PARVB: variants seen among roughly 807,000 people sequenced by gnomAD.
PARVB encodes the protein parvin beta, also known as beta-parvin.
PARVB carries 46 observed loss-of-function variants against 47.0 expected under a neutral mutation model. That is an observed-to-expected ratio of 0.98 (90% CI 0.77 to 1.25). PARVB has a LOEUF of 1.25. Among genes scored for constraint, PARVB ranks in the 50% most tolerant of loss-of-function variants. PARVB has a pLI of 0.00. For synonymous variants in PARVB, 196 were observed against 196.3 expected (o/e 1.00, Z 0.01); for missense variants, 473 against 471.6 (o/e 1.00, Z -0.03).
rs568738344 is a variant in PARVB, at chr22:44,073,355, G to A, written c.113-20573G>A. ...TAAAAATAACAAAATTTAGCTGGGC[G>A]TGGCGGTGCATGCTTGTAATCCCAG... On this transcript the variant is annotated intron_variant, in intron 1 of 12. Transcript: ENST00000338758. Among the ~76,000 whole-genome samples the A allele has an allele frequency of 7.9e-5, 12 of 152,250 alleles. No individual in the cohort carries two copies. The South Asian group carries it at 2.3e-3, about 29-fold the overall frequency.
chr22:44,000,863 T>C (rs1195973408), intron 2 of PARVB, among the ~76,000 whole-genome samples: 1 of 152,240 alleles, frequency 6.6e-6, no homozygotes, highest in African/African-American at 2.4e-5. Context: ...GGCATGCTTT[T>C]GTAACATCAT....
intron 9 of PARVB, chr22:44,151,127 C>CACCTAAGATACATTTGCAA (rs1239111460): frequency 8.9e-5 from 18 of 201,440 alleles, no homozygotes; most frequent in Non-Finnish European, 1.5e-4. Flanking sequence ...TTCCAGGTCA[C>CACCTAAGATACATTTGCAA]ACCTAAGATA....
chr22:44,131,654 A>G (rs1391157855), intron 5 of PARVB, 27 bp downstream of exon 5: 1 of 1,592,022 alleles, frequency 6.3e-7, no homozygotes, highest in South Asian at 1.1e-5. Context: ...AGGGGGAGGG[A>G]CTGTCTGGAG....
chr22:44,030,121 C>T (rs1010323715), intron 1 of PARVB, among the ~76,000 whole-genome samples: 2 of 152,090 alleles, frequency 1.3e-5, no homozygotes, highest in African/African-American at 2.4e-5. Flanking sequence ...AACACTAAGA[C>T]GCACCAGTGA....
Position 43,999,253 on chromosome 22 carries a change from C to T in PARVB, c.-88C>T, listed in dbSNP as rs116102497. The T allele has an allele frequency of 1.1e-3, 1,249 of 1,088,484 alleles. 15 individuals are homozygous for T. In the African/African-American group the frequency reaches 0.018, roughly 16 times the overall value. The allele number at this position is 1,088,484 out of a possible 1,614,324, so 67.4% of individuals were successfully genotyped here. On this transcript the variant is annotated 5_prime_UTR_variant, in exon 1 of 14. Coordinates refer to the PARVB transcript ENST00000406477. ...GACGTCCTCCCCATCTCCGGCAGCT[C>T]CTTAAACTAAGAACTCATTTTAATT...
At chr22:44,099,285 C>T (rs962975543) in intron 2 of PARVB, among the ~76,000 whole-genome samples, 2 of 152,144 alleles carry the variant, frequency 1.3e-5, no homozygotes. Flanking sequence ...AGGTGCTCGG[C>T]GCCCGCTGGC....
chr22:44,025,840 AGCCCACAGCCT>A (rs1156424476), intron 1 of PARVB, among the ~76,000 whole-genome samples: 1 of 152,168 alleles, frequency 6.6e-6, no homozygotes, highest in Non-Finnish European at 1.5e-5. Context: ...CTCCCAATTC[AGCCCACAGCCT>A]GTGGAGCGCC....
intron 1 of PARVB, among the ~76,000 whole-genome samples, chr22:44,051,309 T>C (rs1045199727): frequency 2.0e-5 from 3 of 152,178 alleles, no homozygotes; most frequent in Admixed American, 6.6e-5. Flanking sequence ...TGTCACCCCG[T>C]CTGTTTGTAG....
At chr22:44,051,182 G>A (rs2051201651) in intron 1 of PARVB, among the ~76,000 whole-genome samples, 1 of 152,210 alleles carries the variant, frequency 6.6e-6, no homozygotes, top group Admixed American at 6.5e-5. Context: ...TCGTGGAAAA[G>A]GTCTCATTTG....
At chr22:44,145,288 G>A (rs922472967) in intron 8 of PARVB, 1 of 152,284 alleles carries the variant, frequency 6.6e-6, no homozygotes, top group African/African-American at 2.4e-5. Flanking sequence ...GTGAAGTGGG[G>A]CAGCTAGAAC....
At chr22:44,032,823 A>G (rs2050848814) in intron 1 of PARVB, among the ~76,000 whole-genome samples, 1 of 152,102 alleles carries the variant, frequency 6.6e-6, no homozygotes, top group Non-Finnish European at 1.5e-5. Flanking sequence ...GCTTAGGGAA[A>G]AAGAATGCTG....
At chr22:44,154,226 G>A (rs761734389) in intron 10 of PARVB, among the ~76,000 whole-genome samples, 2 of 151,960 alleles carry the variant, frequency 1.3e-5, no homozygotes, top group Non-Finnish European at 2.9e-5. Context: ...CCGATTAATC[G>A]TACTATATAG....
At chr22:43,999,777 G>T in intron 2 of PARVB, 2 of 598,632 alleles carry the variant, frequency 3.3e-6, no homozygotes, top group Non-Finnish European at 2.9e-6. Context: ...GAGGATTGTT[G>T]CTTGAGCCCA....
rs2053910620 is a variant in PARVB, at chr22:44,155,451, C to A, written c.844-2531C>A. Among the ~76,000 whole-genome samples, 1 of 152,162 alleles carries A rather than the reference C, an allele frequency of 6.6e-6. No individual in the cohort carries two copies. The highest frequency in any genetic ancestry group is 6.5e-5 in the Admixed American group (1 of 15,280). Reference sequence around the variant, plus strand: ...CCCCAGCCCTGCCCTCTCCTTGTGGCCGTCCCTCCCTCCTTCCTGTGAGCC... The same window carrying A: ...CCCCAGCCCTGCCCTCTCCTTGTGGACGTCCCTCCCTCCTTCCTGTGAGCC... On this transcript the variant is annotated intron_variant, in intron 10 of 12. Coordinates refer to ENST00000338758, the MANE Select transcript of PARVB (RefSeq NM_013327.5). The surrounding 1 kb of genome is among the most constrained non-coding windows in gnomAD (Gnocchi z 4.8).
intron 3 of PARVB, among the ~76,000 whole-genome samples, chr22:44,116,704 C>A (rs2052913209): frequency 6.6e-6 from 1 of 152,118 alleles, no homozygotes; most frequent in African/African-American, 2.4e-5. Context: ...GCTAATGGGA[C>A]AGGATGAGAC....
chr22:44,067,603 C>T (rs1057396543), intron 1 of PARVB, among the ~76,000 whole-genome samples: 18 of 152,216 alleles, frequency 1.2e-4, no homozygotes, highest in African/African-American at 4.1e-4. Flanking sequence ...TGTCTGTGCC[C>T]TCATGATGTC....
intron 2 of PARVB, among the ~76,000 whole-genome samples, chr22:44,014,017 C>T (rs933255757): frequency 6.6e-6 from 1 of 152,138 alleles, no homozygotes; most frequent in Non-Finnish European, 1.5e-5. Flanking sequence ...CAGTTTAAGA[C>T]CAACCTGGGC....
chr22:44,090,305 C>T (rs1017202125), intron 1 of PARVB, among the ~76,000 whole-genome samples: 2 of 152,242 alleles, frequency 1.3e-5, no homozygotes, highest in Non-Finnish European at 2.9e-5. Flanking sequence ...CTGTGCCCCC[C>T]TCCTCCTGGT....
At chr22:44,140,747 G>A in intron 8 of PARVB, 2 of 357,870 alleles carry the variant, frequency 5.6e-6, no homozygotes, top group Non-Finnish European at 1.1e-5. Context: ...TGAGTGCCCT[G>A]CTTGGCCGGG....
Sources: gnomAD v4.1 joint callset for allele counts (sites outside exome capture counted in the v4.1 genomes callset) on GRCh38, gnomAD v4.1.1 for gene constraint, Gnocchi (gnomAD v3.1) non-coding constraint, MANE v1.5 for transcripts, NCBI Gene and HGNC (gene_info 2026-07-23, HGNC 2026-07-21) for gene names.